The following NELFA variants were observed in gnomAD, a reference collection of about 807,000 sequenced individuals.
NELFA encodes the protein negative elongation factor complex member A, also known as negative elongation factor A.
In NELFA, 35 loss-of-function variants were observed where a neutral mutation model predicts 51.8. That is an observed-to-expected ratio of 0.68 (90% CI 0.52 to 0.90). NELFA has a LOEUF of 0.90. Among genes scored for constraint, NELFA ranks in the 40% least tolerant of loss-of-function variants. NELFA has a pLI of 0.00. For synonymous variants in NELFA, 417 were observed against 338.4 expected, an observed-to-expected ratio of 1.23 and a Z score of -2.55; for missense variants, 658 against 746.4, an observed-to-expected ratio of 0.88 and a Z score of 1.38.
At position 1,982,998 on chromosome 4, in the gene NELFA, AAG is replaced by A. The variant is rs1225833988; in HGVS notation, c.*319_*320del. ...GAAAATAGAAAAGATTTTAAAAAGT[AAG>A]AGTCTAACAGGCAGAGCTGTCACTA... On this transcript the variant is annotated 3_prime_UTR_variant, in exon 11 of 11. Coordinates refer to ENST00000382882, the MANE Select transcript of NELFA (RefSeq NM_005663.5). 2.0e-5 allele frequency: 4 copies of A among 199,326 alleles called. No individual in the cohort carries two copies. Among genetic ancestry groups the A allele is most frequent in the Non-Finnish European group, 3.9e-5 (4 of 101,280 alleles). 12.3% of individuals were successfully genotyped at this position (199,326 alleles called of 1,614,324 possible).
chr4:2,004,491 T>C lies in NELFA; in HGVS notation c.210+4259A>G, dbSNP rs543782813. ...CATAATTATATGGTACATAAAATAA[T>C]ATCTTTTTTCTTTTGAGACAGGGTC... On this transcript the variant is annotated intron_variant, in intron 1 of 10. Coordinates refer to ENST00000382882, the MANE Select transcript of NELFA (RefSeq NM_005663.5). Among the ~76,000 whole-genome samples, 27 of 152,182 alleles carry C rather than the reference T, an allele frequency of 1.8e-4. No individual in the cohort carries two copies. The South Asian group carries it at 5.0e-3, about 28-fold the overall frequency.
intron 8 of NELFA, 58 bp downstream of exon 8, chr4:1,984,750 C>A: frequency 7.6e-7 from 1 of 1,322,530 alleles, no homozygotes; most frequent in Non-Finnish European, 1.1e-6. Context: ...CGCCCGTGGG[C>A]AAGGTCATGT....
chr4:1,998,923 A>G (rs1430307478), intron 1 of NELFA, among the ~76,000 whole-genome samples: 1 of 152,202 alleles, frequency 6.6e-6, no homozygotes, highest in Non-Finnish European at 1.5e-5. Context: ...TACAAAGGGA[A>G]GCCCATCAGA....
intron 8 of NELFA, 128 bp downstream of exon 8, chr4:1,984,680 T>G (rs1728025655): frequency 1.5e-6 from 1 of 669,592 alleles, no homozygotes; most frequent in Admixed American, 2.8e-5. Flanking sequence ...CCCAGCAGAT[T>G]CTGGCTGAGG....
At chr4:1,991,485 A>G in intron 2 of NELFA, 59 bp downstream of exon 2, 1 of 1,578,560 alleles carries the variant, frequency 6.3e-7, no homozygotes, top group Non-Finnish European at 8.6e-7. Flanking sequence ...TCAGAAAAAA[A>G]TTTTTCAAGA....
At chr4:2,002,624 C>A (rs931080441) in intron 1 of NELFA, among the ~76,000 whole-genome samples, 1 of 152,064 alleles carries the variant, frequency 6.6e-6, no homozygotes, top group Non-Finnish European at 1.5e-5. Flanking sequence ...CAAAAACAAG[C>A]GATGGGGAAA....
chr4:1,989,573 C>T lies in NELFA; in HGVS notation c.544+135G>A. The T allele has an allele frequency of 2.1e-6, 2 of 948,074 alleles. No individual in the cohort carries two copies. The highest frequency in any genetic ancestry group is 3.1e-6 in the Non-Finnish European group (2 of 641,106). The allele number at this position is 948,074 out of a possible 1,614,324, so 58.7% of individuals were successfully genotyped here. A position where few individuals can be genotyped will look rare whatever the true frequency, so the allele number is the denominator to read the frequency against. On this transcript the variant is annotated intron_variant, in intron 3 of 10. Transcript: ENST00000382882. The surrounding 1 kb of genome is among the most constrained non-coding windows in gnomAD (Gnocchi z 4.8). The stretch of plus-strand genomic sequence containing the variant: ...GGCTCAAACGACCCACCTGCCCCAG[C>T]CTCCCAACAGGTGTGAGCCACCATG...
At chr4:1,996,318 T>C (rs1054624549) in intron 1 of NELFA, among the ~76,000 whole-genome samples, 1 of 152,320 alleles carries the variant, frequency 6.6e-6, no homozygotes, top group South Asian at 2.1e-4. Flanking sequence ...AATTAAAAAA[T>C]AGTGTGACGA....
chr4:1,992,562 G>T (rs747328919), intron 1 of NELFA: 2 of 336,032 alleles, frequency 6.0e-6, no homozygotes, highest in East Asian at 1.3e-4. Context: ...GGCGCTGGGG[G>T]TGAACAACAG....
intron 7 of NELFA, 120 bp downstream of exon 7, chr4:1,985,656 G>C (rs372992783): frequency 2.9e-5 from 21 of 728,640 alleles, no homozygotes; most frequent in East Asian, 1.4e-4. Flanking sequence ...CATAAATACA[G>C]ACTGCACACA....
rs1727952814 is a variant in NELFA at position 1,983,317 on chromosome 4, T to C, written c.*2A>G. ...TGACGGCCAGCTGTGAGGCAGGTGG[T>C]TCTAGGACACATTGGTCATGGGCTT... On this transcript the variant is annotated 3_prime_UTR_variant, in exon 11 of 11. Coordinates refer to ENST00000382882, the MANE Select transcript of NELFA (RefSeq NM_005663.5). 1.9e-6 allele frequency: 3 copies of C among 1,613,476 alleles called. No homozygotes were observed. The highest frequency in any genetic ancestry group is 2.5e-6 in the Non-Finnish European group (3 of 1,179,650).
intron 1 of NELFA, chr4:2,007,901 T>C (rs1176015986): frequency 4.4e-6 from 2 of 452,318 alleles, no homozygotes; most frequent in Non-Finnish European, 8.9e-6. Flanking sequence ...TCTGCAAAAC[T>C]ACTCGGTTTA....
At chr4:1,985,057 G>T in intron 7 of NELFA, 138 bp from the exon 8 acceptor site, 1 of 629,344 alleles carries the variant, frequency 1.6e-6, no homozygotes, top group Non-Finnish European at 2.7e-6. Flanking sequence ...CCACTCTCCC[G>T]AGCTCCCTGG....
At chr4:2,007,110 T>A (rs1300175452) in intron 1 of NELFA, 1 of 424,598 alleles carries the variant, frequency 2.4e-6, no homozygotes. Flanking sequence ...CTCAGGAGGC[T>A]GAGATGGGAA....
intron 8 of NELFA, 94 bp downstream of exon 8, chr4:1,984,714 A>T: frequency 1.2e-6 from 1 of 810,836 alleles, no homozygotes; most frequent in Non-Finnish European, 2.0e-6. Flanking sequence ...ACAGAGATGC[A>T]GGAGTGAGAA....
At chr4:1,984,243 C>A in intron 8 of NELFA, 130 bp from the exon 9 acceptor site, 1 of 1,190,750 alleles carries the variant, frequency 8.4e-7, no homozygotes, top group South Asian at 1.7e-5. Flanking sequence ...CTCCCTGTGG[C>A]CCCCAGCCAA....
At chr4:1,998,433 T>A (rs910572151) in intron 1 of NELFA, among the ~76,000 whole-genome samples, 1 of 151,758 alleles carries the variant, frequency 6.6e-6, no homozygotes, top group African/African-American at 2.4e-5. Flanking sequence ...CTAACTAGAA[T>A]AACCGGTTTA....
At chr4:1,993,048 TGCCTCTGGCAGCCGCACAGCCC>T (rs1434353299) in intron 1 of NELFA, among the ~76,000 whole-genome samples, 1 of 152,218 alleles carries the variant, frequency 6.6e-6, no homozygotes, top group East Asian at 1.9e-4. Context: ...GCGCACACGC[TGCCTCTGGCAGCCGCACAGCCC>T]GGCTGTTTCC....
chr4:1,983,712 GGT>G lies in NELFA; in HGVS notation c.1303-19_1303-18del. 6.2e-7 allele frequency: 1 copy of G among 1,613,024 alleles called. No homozygotes were observed. The highest frequency in any genetic ancestry group is 8.5e-7 in the Non-Finnish European group (1 of 1,179,380). ...CTGCTCTCTCTACAGCGGGGAGAGG[GGT>G]GTGGGTGCCAGGGCCCCGCCAGGAC... On this transcript the variant is annotated intron_variant, in intron 9 of 10. Transcript: ENST00000382882.
Sources: gnomAD v4.1 joint callset for allele counts (sites outside exome capture counted in the v4.1 genomes callset) on GRCh38, gnomAD v4.1.1 for gene constraint, Gnocchi (gnomAD v3.1) non-coding constraint, MANE v1.5 for transcripts, NCBI Gene and HGNC (gene_info 2026-07-23, HGNC 2026-07-21) for gene names.